PTPN5: variants seen among roughly 807,000 people sequenced by gnomAD.
The protein encoded by PTPN5 is tyrosine-protein phosphatase non-receptor type 5.
In PTPN5, 29 loss-of-function variants were observed where a neutral mutation model predicts 73.9. That is an observed-to-expected ratio of 0.39 (90% confidence interval 0.29 to 0.54). PTPN5 has a LOEUF of 0.54. PTPN5 is among the 20% of genes least tolerant of loss of function. The probability of loss-of-function intolerance (pLI) is 0.65; values close to 1 mark genes in which losing one functional copy is unlikely to be tolerated. For missense variants in PTPN5, 652 were observed against 751.4 expected, an observed-to-expected ratio of 0.87 and a Z score of 1.55; for synonymous variants, 267 against 304.7, an observed-to-expected ratio of 0.88 and a Z score of 1.29.
intron 1 of PTPN5, among the ~76,000 whole-genome samples, chr11:18,773,439 C>A (rs1851004123): frequency 6.6e-6 from 1 of 152,068 alleles, no homozygotes; most frequent in Non-Finnish European, 1.5e-5. Context: ...AGGGCTGGAT[C>A]TCAGCCTGCA....
intron 2 of PTPN5, 50 bp from the exon 3 acceptor site, chr11:18,765,933 A>G (rs1451728584): frequency 7.4e-7 from 1 of 1,350,660 alleles, no homozygotes; most frequent in East Asian, 2.5e-5. Flanking sequence ...CAGGATCAAG[A>G]CAAAAACCCT....
intron 1 of PTPN5, among the ~76,000 whole-genome samples, chr11:18,777,983 A>G (rs985557681): frequency 1.5e-5 from 2 of 131,700 alleles, no homozygotes; most frequent in East Asian, 2.1e-4. Context: ...AGGAAGAAAG[A>G]AAGAAAGAAA....
chr11:18,782,857 T>C (rs1015784191), intron 1 of PTPN5, among the ~76,000 whole-genome samples: 1 of 152,196 alleles, frequency 6.6e-6, no homozygotes, highest in Non-Finnish European at 1.5e-5. Context: ...GGGCCAGGGA[T>C]GCTTTTACAT....
chr11:18,780,777 C>T (rs1851383266), intron 1 of PTPN5, among the ~76,000 whole-genome samples: 1 of 152,136 alleles, frequency 6.6e-6, no homozygotes, highest in South Asian at 2.1e-4. Context: ...GGATAAAACC[C>T]CCTCTTTATC....
At chr11:18,730,240 G>A (rs1224375456) in intron 12 of PTPN5, 3 of 353,278 alleles carry the variant, frequency 8.5e-6, no homozygotes, top group Non-Finnish European at 1.5e-5. Flanking sequence ...CTCTATCTTA[G>A]TGCTGCAATT....
chr11:18,729,625 G>T lies in PTPN5; in HGVS notation c.1490+33C>A. ...AGGGCAGCCCAGCGGGTGGGGGGCT[G>T]CCCCGCTCCAGTGGCTGGCTGGGAG... On this transcript the variant is annotated intron_variant, in intron 13 of 14. Coordinates refer to ENST00000358540, the MANE Select transcript of PTPN5 (RefSeq NM_006906.2). This position sits in a 1 kb window ranked among gnomAD's most constrained non-coding sequence, Gnocchi z 5.2. 1 of 1,575,370 alleles carries T rather than the reference G, an allele frequency of 6.3e-7. No homozygotes were observed. Among genetic ancestry groups the T allele is most frequent in the Non-Finnish European group, 8.6e-7 (1 of 1,163,150 alleles).
Position 18,729,860 on chromosome 11 carries a change from C to T in PTPN5, c.1330-42G>A. On this transcript the variant is annotated intron_variant, in intron 12 of 14. Transcript: ENST00000358540. This position sits in a 1 kb window ranked among gnomAD's most constrained non-coding sequence, Gnocchi z 5.2. ...GGCCCACCCCAGGTATGTGTGAACT[C>T]TTTCAGCTCACAAACCAGCCCAGAG... 6.2e-7 allele frequency: 1 copy of T among 1,612,904 alleles called. No homozygotes were observed.
intron 3 of PTPN5, among the ~76,000 whole-genome samples, chr11:18,760,779 C>T (rs1016783199): frequency 3.3e-5 from 5 of 152,350 alleles, no homozygotes; most frequent in Admixed American, 1.3e-4. Flanking sequence ...CTCTTCTGTC[C>T]ATGGCACTCC....
intron 9 of PTPN5, among the ~76,000 whole-genome samples, chr11:18,736,765 C>T (rs963243188): frequency 4.6e-5 from 7 of 152,302 alleles, no homozygotes; most frequent in East Asian, 1.9e-4. Context: ...TGCATCTGCA[C>T]GGAATCCTAG....
intron 2 of PTPN5, among the ~76,000 whole-genome samples, chr11:18,769,820 T>C (rs1039511661): frequency 6.6e-6 from 1 of 152,174 alleles, no homozygotes; most frequent in Non-Finnish European, 1.5e-5. Flanking sequence ...GAACATCTGG[T>C]GCCATCAGAA....
Position 18,791,415 on chromosome 11 carries a change from G to A in PTPN5, c.-114+110C>T, listed in dbSNP as rs997763179. 7 of 152,128 alleles carry A rather than the reference G, an allele frequency of 4.6e-5. No homozygotes were observed. The South Asian group carries it at 1.4e-3, about 31-fold the overall frequency. The allele number at this position is 152,128 out of a possible 1,614,324, so 9.4% of individuals were successfully genotyped here. A position where few individuals can be genotyped will look rare whatever the true frequency, so the allele number is the denominator to read the frequency against. The stretch of plus-strand genomic sequence containing the variant: ...GGCGGGGGCGGGCGCCGGCTCCTCG[G>A]CCGGGAGGGCTGGAGAAGGTGTCAG... On this transcript the variant is annotated intron_variant, in intron 1 of 14. Coordinates refer to ENST00000358540, the MANE Select transcript of PTPN5 (RefSeq NM_006906.2).
chr11:18,771,467 T>C (rs1217700809), intron 2 of PTPN5, among the ~76,000 whole-genome samples: 1 of 152,236 alleles, frequency 6.6e-6, no homozygotes, highest in East Asian at 1.9e-4. Flanking sequence ...CTGGTTCATA[T>C]GTCCCTTTGT....
Position 18,742,876 on chromosome 11 carries a change from T to G in PTPN5, c.483+116A>C. On this transcript the variant is annotated intron_variant, in intron 6 of 14. Transcript: ENST00000358540. This position sits in a 1 kb window ranked among gnomAD's most constrained non-coding sequence, Gnocchi z 4.1. Reference sequence around the variant, plus strand: ...GCACACTTGTGCAAAGAGATAGGTATCCCTCCTTGCCCCACCCAGAATGTC... The same window carrying G: ...GCACACTTGTGCAAAGAGATAGGTAGCCCTCCTTGCCCCACCCAGAATGTC... 4.0e-6 allele frequency: 3 copies of G among 749,326 alleles called. No individual in the cohort carries two copies. Among genetic ancestry groups the G allele is most frequent in the Non-Finnish European group, 6.7e-6 (3 of 444,574 alleles). 46.4% of individuals were successfully genotyped at this position (749,326 alleles called of 1,614,324 possible).
At chr11:18,779,813 A>C (rs1364474392) in intron 1 of PTPN5, among the ~76,000 whole-genome samples, 1 of 152,238 alleles carries the variant, frequency 6.6e-6, no homozygotes, top group Non-Finnish European at 1.5e-5. Flanking sequence ...ATTCAGAGGC[A>C]GAGAGACCTG....
chr11:18,766,730 T>C (rs577376661), intron 2 of PTPN5, among the ~76,000 whole-genome samples: 42 of 151,858 alleles, frequency 2.8e-4, no homozygotes, highest in African/African-American at 9.9e-4. Flanking sequence ...TCACAGGGGG[T>C]CCCCTACCCT....
chr11:18,760,851 G>A (rs754685687), intron 3 of PTPN5, among the ~76,000 whole-genome samples: 29 of 152,220 alleles, frequency 1.9e-4, no homozygotes, highest in Non-Finnish European at 3.2e-4. Context: ...GTTAGCAGCT[G>A]GTGTCCATGT....
At chr11:18,790,000 C>A (rs1055071458) in intron 1 of PTPN5, among the ~76,000 whole-genome samples, 50 of 152,062 alleles carry the variant, frequency 3.3e-4, no homozygotes, top group African/African-American at 1.1e-3. Flanking sequence ...AGACTGAACA[C>A]TGCCCTCCTT....
At chr11:18,780,192 G>A (rs1851354409) in intron 1 of PTPN5, among the ~76,000 whole-genome samples, 1 of 152,218 alleles carries the variant, frequency 6.6e-6, no homozygotes, top group African/African-American at 2.4e-5. Context: ...ACAGCAGCTG[G>A]AGGATGAGAG....
chr11:18,766,343 G>T (rs961468994), intron 2 of PTPN5, among the ~76,000 whole-genome samples: 3 of 152,174 alleles, frequency 2.0e-5, no homozygotes, highest in African/African-American at 7.2e-5. Context: ...TGCTCTCGCT[G>T]TTGTGCCATT....
Sources: gnomAD v4.1 joint callset for allele counts (sites outside exome capture counted in the v4.1 genomes callset) on GRCh38, gnomAD v4.1.1 for gene constraint, Gnocchi (gnomAD v3.1) non-coding constraint, MANE v1.5 for transcripts, NCBI Gene and HGNC (gene_info 2026-07-23, HGNC 2026-07-21) for gene names.